ARHGEF7: variants seen among roughly 807,000 people sequenced by gnomAD.
ARHGEF7 encodes the protein Rho guanine nucleotide exchange factor 7.
Under a neutral mutation model 109.8 loss-of-function variants are expected in ARHGEF7, and 33 were observed. That is an observed-to-expected ratio of 0.30 (90% CI 0.23 to 0.40). The LOEUF is 0.40. Among genes scored for constraint, ARHGEF7 ranks in the 10% least tolerant of loss-of-function variants. The probability of loss-of-function intolerance (pLI) is 1.00; values close to 1 mark genes in which losing one functional copy is unlikely to be tolerated. For synonymous variants in ARHGEF7, 458 were observed against 424.6 expected (o/e 1.08, Z -0.97); for missense variants, 938 against 1,098.5 (o/e 0.85, Z 2.07).
At chr13:111,274,028 G>T in intron 10 of ARHGEF7, 76 bp downstream of exon 10, 2 of 1,515,370 alleles carry the variant, frequency 1.3e-6, no homozygotes, top group Admixed American at 1.9e-5. Flanking sequence ...GTGAAAGAAA[G>T]TATTATTCAT....
chr13:111,234,904 T>C (rs919339953), intron 6 of ARHGEF7, among the ~76,000 whole-genome samples: 3 of 152,214 alleles, frequency 2.0e-5, no homozygotes, highest in African/African-American at 7.2e-5. Flanking sequence ...CCTTGGCCTG[T>C]TGGGCATTTA....
chr13:111,171,216 C>T (rs2043887849), intron 2 of ARHGEF7, among the ~76,000 whole-genome samples: 1 of 152,136 alleles, frequency 6.6e-6, no homozygotes, highest in Admixed American at 6.5e-5. Flanking sequence ...GTTTTTTCCA[C>T]AGCATTTTGT....
At chr13:111,203,178 ATGACT>A in intron 2 of ARHGEF7, 1 of 1,101,808 alleles carries the variant, frequency 9.1e-7, no homozygotes, top group Non-Finnish European at 1.2e-6. Flanking sequence ...AAAATAAAAA[ATGACT>A]TGAATTTTCA....
chr13:111,208,472 T>C (rs917661432), intron 3 of ARHGEF7, among the ~76,000 whole-genome samples: 1 of 152,172 alleles, frequency 6.6e-6, no homozygotes, highest in African/African-American at 2.4e-5. Context: ...TCATATGTGT[T>C]CTCAAGGCAT....
chr13:111,244,199 G>T lies in ARHGEF7; in HGVS notation c.855G>T (p.Lys285Asn). 1 of 1,593,144 alleles carries T rather than the reference G, an allele frequency of 6.3e-7. No individual in the cohort carries two copies. The highest frequency in any genetic ancestry group is 8.6e-7 in the Non-Finnish European group (1 of 1,167,826). Residue 285 changes from lysine (K) to asparagine (N), a missense_variant and splice_region_variant, in exon 8 of 22, where the codon AAG becomes AAT. Lys to Asn is a moderately conservative substitution (Grantham distance 94, BLOSUM62 0). This residue lies in a region of ARHGEF7 where 585 missense variants were observed against 723.6 expected (regional missense o/e 0.81). Coordinates refer to ENST00000646102, the MANE Select transcript of ARHGEF7 (RefSeq NM_001354046.2). ...TYLRPLQTSE[K>N]LSSANISYLM... is the part of the protein sequence containing the mutation. ...TTACTGTTATTTTTCTTGGCTCTAG[G>T]TTAAGTTCAGCAAACATTTCATATT...
intron 8 of ARHGEF7, among the ~76,000 whole-genome samples, chr13:111,261,435 C>A (rs532064025): frequency 6.6e-6 from 1 of 152,210 alleles, no homozygotes; most frequent in East Asian, 1.9e-4. Context: ...AAATATGCAT[C>A]CAACATTGGA....
chr13:111,208,406 T>TAA (rs1325623857), intron 3 of ARHGEF7, among the ~76,000 whole-genome samples: 1 of 152,210 alleles, frequency 6.6e-6, no homozygotes, highest in African/African-American at 2.4e-5. Flanking sequence ...CAGCCACAGT[T>TAA]ACTGTGGACA....
chr13:111,163,212 A>G (rs991262706), intron 2 of ARHGEF7, among the ~76,000 whole-genome samples: 2 of 152,218 alleles, frequency 1.3e-5, no homozygotes, highest in African/African-American at 4.8e-5. Context: ...TATTCCCTGA[A>G]CATTTTGTAG....
chr13:111,221,540 TAG>T (rs1355593077), intron 5 of ARHGEF7, among the ~76,000 whole-genome samples: 9 of 80,778 alleles, frequency 1.1e-4, no homozygotes, highest in African/African-American at 1.7e-4. Context: ...TATCTATATA[TAG>T]ATACATATCT....
chr13:111,275,467 A>G (rs1332826467), intron 11 of ARHGEF7, 65 bp from the exon 12 acceptor site: 12 of 1,552,204 alleles, frequency 7.7e-6, no homozygotes, highest in African/African-American at 5.4e-5. Context: ...ATACAAAGCA[A>G]TGTGGCCGGA....
At chr13:111,226,653 C>T (rs1002202070) in intron 5 of ARHGEF7, among the ~76,000 whole-genome samples, 4 of 152,160 alleles carry the variant, frequency 2.6e-5, no homozygotes, top group African/African-American at 9.7e-5. Context: ...CCTAATCACC[C>T]AAGAGCTTTG....
At chr13:111,293,675 C>T (rs770879705) in intron 19 of ARHGEF7, 54 of 985,306 alleles carry the variant, frequency 5.5e-5, no homozygotes, top group East Asian at 1.1e-4. Flanking sequence ...TTCATTGAAA[C>T]CAGCTTCAGA....
chr13:111,229,580 T>C (rs1450219923), intron 5 of ARHGEF7, among the ~76,000 whole-genome samples: 1 of 152,242 alleles, frequency 6.6e-6, no homozygotes, highest in Non-Finnish European at 1.5e-5. Flanking sequence ...ATTTCTACTT[T>C]GGGGAACCTG....
chr13:111,178,137 C>T (rs2078349782), intron 2 of ARHGEF7, among the ~76,000 whole-genome samples: 1 of 152,134 alleles, frequency 6.6e-6, no homozygotes, highest in Admixed American at 6.5e-5. Flanking sequence ...AAAAATAAAG[C>T]AAGAAAATGC....
At position 111,273,692 on chromosome 13, in the gene ARHGEF7, T is replaced by G; in HGVS notation, c.1074-122T>G. 1 of 1,378,590 alleles carries G rather than the reference T, an allele frequency of 7.3e-7. No individual in the cohort carries two copies. Among genetic ancestry groups the G allele is most frequent in the Admixed American group, 1.9e-5 (1 of 52,782 alleles). 85.4% of individuals were successfully genotyped at this position (1,378,590 alleles called of 1,614,324 possible). On this transcript the variant is annotated intron_variant, in intron 9 of 21. Coordinates refer to ENST00000646102, the MANE Select transcript of ARHGEF7 (RefSeq NM_001354046.2). This position sits in a 1 kb window ranked among gnomAD's most constrained non-coding sequence, Gnocchi z 4.5. ...CAGATTTGGGATAAAAGCTGGAGCCTTCCAGATGTTAAAAGCAACACTTAT... is the reference window on the plus strand; with the variant it reads ...CAGATTTGGGATAAAAGCTGGAGCCGTCCAGATGTTAAAAGCAACACTTAT...
intron 6 of ARHGEF7, among the ~76,000 whole-genome samples, chr13:111,235,049 G>T (rs1338653270): frequency 1.3e-5 from 2 of 152,154 alleles, no homozygotes. Context: ...TTAACTCCTG[G>T]AGCTGCCCTT....
intron 1 of ARHGEF7, 162 bp from the exon 2 acceptor site, chr13:111,153,743 G>A (rs2076056201): frequency 1.5e-6 from 2 of 1,340,250 alleles, no homozygotes; most frequent in Non-Finnish European, 1.9e-6. Flanking sequence ...CAGCGGCTGA[G>A]CGGGTTGGCA....
In ARHGEF7 at chr13:111,303,063, A is replaced by G; in HGVS notation, c.2539A>G (p.Lys847Glu). The G allele has an allele frequency of 6.2e-7, 1 of 1,614,144 alleles. No individual in the cohort carries two copies. The highest frequency in any genetic ancestry group is 8.5e-7 in the Non-Finnish European group (1 of 1,179,972). ...ARKDLEKLVR[K>E]VLKNMNDPAW... is the part of the protein sequence containing the mutation. Reference sequence around the variant, plus strand: ...CAAAGACCTGGAGAAGCTGGTGAGGAAAGTCCTGAAGAACATGAATGATCC... The same window carrying G: ...CAAAGACCTGGAGAAGCTGGTGAGGGAAGTCCTGAAGAACATGAATGATCC... Residue 847 changes from lysine (K) to glutamate (E), a missense_variant, in exon 22 of 22, where the codon AAA becomes GAA. Physicochemically the swap from Lys to Glu is moderately conservative, Grantham distance 56. Coordinates refer to ENST00000646102, the MANE Select transcript of ARHGEF7 (RefSeq NM_001354046.2).
At position 111,146,965 on chromosome 13, in the gene ARHGEF7, G is replaced by A. The variant is rs371512048; in HGVS notation, c.166-6940G>A. Among the ~76,000 whole-genome samples the A allele has an allele frequency of 5.9e-5, 9 of 152,330 alleles. No homozygotes were observed. The East Asian group carries it at 1.5e-3, about 26-fold the overall frequency. ...GGGACTATGTCTCTGCCTGGTTAGA[G>A]TTCTTGATGGAAAAGCCTGGAGTTT... On this transcript the variant is annotated intron_variant, in intron 1 of 21. Coordinates refer to ENST00000646102, the MANE Select transcript of ARHGEF7 (RefSeq NM_001354046.2).
Sources: allele counts gnomAD v4.1 joint callset (sites outside exome capture counted in the v4.1 genomes callset), GRCh38; gene constraint gnomAD v4.1.1; regional missense constraint gnomAD v4.1.1; non-coding constraint Gnocchi (gnomAD v3.1); transcripts MANE v1.5; gene names NCBI Gene and HGNC (gene_info 2026-07-23, HGNC 2026-07-21).